ZBBX: variants seen among roughly 807,000 people sequenced by gnomAD.
The protein encoded by ZBBX is zinc finger B-box domain containing, also known as zinc finger B-box domain-containing protein 1.
In ZBBX, 101 loss-of-function variants were observed where a neutral mutation model predicts 108.5. The ratio of observed to expected loss-of-function variants is 0.93; its 90% CI spans 0.79 to 1.10. ZBBX has a LOEUF of 1.10. ZBBX is among the 50% of genes least tolerant of loss of function. The pLI is 0.00. For missense variants in ZBBX, 1,009 were observed against 941.4 expected (o/e 1.07, Z -0.94); for synonymous variants, 356 against 323.4 (o/e 1.10, Z -1.08).
At chr3:167,399,135 A>T (rs1480617613) in intron 1 of ZBBX, among the ~76,000 whole-genome samples, 1 of 151,992 alleles carries the variant, frequency 6.6e-6, no homozygotes, top group Non-Finnish European at 1.5e-5. Context: ...AGAAAAAAAA[A>T]ATTCTCACTT....
Position 167,323,246 on chromosome 3 carries a change from G to GC in ZBBX, c.863-1010_863-1009insG, listed in dbSNP as rs1439430910. Among the ~76,000 whole-genome samples the GC allele has an allele frequency of 1.3e-3, 199 of 149,230 alleles. 4 individuals are homozygous for GC. Among genetic ancestry groups the GC allele is most frequent in the Non-Finnish European group, 6.7e-4 (45 of 67,176 alleles). On this transcript the variant is annotated intron_variant, in intron 11 of 21. Coordinates refer to ENST00000675490, the MANE Select transcript of ZBBX (RefSeq NM_001199201.2). ...GACAGGAGAGCTAAAAGAGGGGGGG[G>GC]GGGGAAAGAACTCTTTTGTTTTTGC...
chr3:167,389,572 T>G (rs1387665636), intron 1 of ZBBX, among the ~76,000 whole-genome samples: 1 of 152,186 alleles, frequency 6.6e-6, no homozygotes, highest in Non-Finnish European at 1.5e-5. Flanking sequence ...CCACATTGGT[T>G]GAACTAATTT....
At chr3:167,272,579 T>A (rs1258984944) in intron 20 of ZBBX, among the ~76,000 whole-genome samples, 3 of 152,024 alleles carry the variant, frequency 2.0e-5, no homozygotes, top group Non-Finnish European at 4.4e-5. Context: ...CTAAGAAAAA[T>A]TTAACTCTCT....
At chr3:167,350,650 C>A in intron 8 of ZBBX, 135 bp from the exon 9 acceptor site, 1 of 524,114 alleles carries the variant, frequency 1.9e-6, no homozygotes, top group South Asian at 4.9e-5. Flanking sequence ...AATTGAGAAG[C>A]CTGTCCCAGG....
chr3:167,271,289 G>T (rs976075876), intron 20 of ZBBX, among the ~76,000 whole-genome samples: 1 of 152,168 alleles, frequency 6.6e-6, no homozygotes, highest in African/African-American at 2.4e-5. Flanking sequence ...GTTTCCTGAA[G>T]AAATAGCTAT....
chr3:167,263,844 G>A (rs576683657), intron 20 of ZBBX, among the ~76,000 whole-genome samples: 1 of 152,230 alleles, frequency 6.6e-6, no homozygotes, highest in South Asian at 2.1e-4. Flanking sequence ...ATTGTATTGA[G>A]GTCTATCTCT....
intron 20 of ZBBX, among the ~76,000 whole-genome samples, chr3:167,263,762 G>C (rs1443754938): frequency 2.6e-5 from 4 of 152,212 alleles, no homozygotes; most frequent in Non-Finnish European, 5.9e-5. Context: ...TAAGTCTAGT[G>C]TTTCTTCATT....
the ZBBX span, among the ~76,000 whole-genome samples, chr3:167,204,243 C>T: frequency 0.091 from 2,414 of 26,414 alleles, 25 homozygotes; most frequent in East Asian, 0.17. Context: ...CTTTTCTTTT[C>T]TTTTTTTTTT....
At chr3:167,275,729 C>A (rs1452874529) in intron 20 of ZBBX, among the ~76,000 whole-genome samples, 10 of 152,200 alleles carry the variant, frequency 6.6e-5, no homozygotes, top group South Asian at 2.1e-4. Context: ...CCCAGGCTTG[C>A]TTAGGTAAAC....
At chr3:167,351,303 A>G (rs1465951792) in intron 8 of ZBBX, among the ~76,000 whole-genome samples, 1 of 152,164 alleles carries the variant, frequency 6.6e-6, no homozygotes, top group African/African-American at 2.4e-5. Flanking sequence ...AGAAAAGGAA[A>G]TGGAAATTGG....
intron 1 of ZBBX, among the ~76,000 whole-genome samples, chr3:167,404,056 C>T (rs77210050): frequency 0.028 from 4,278 of 152,066 alleles, 166 homozygotes; most frequent in African/African-American, 0.091. Context: ...ATACTGTACA[C>T]CCTCTACAGA....
At chr3:167,396,505 A>G (rs772586571) in intron 1 of ZBBX, among the ~76,000 whole-genome samples, 3 of 152,074 alleles carry the variant, frequency 2.0e-5, no homozygotes, top group Non-Finnish European at 4.4e-5. Context: ...GGGAGAAATT[A>G]GCAGTAAAAA....
chr3:167,342,712 C>A (rs565562005), intron 9 of ZBBX, among the ~76,000 whole-genome samples: 1 of 151,098 alleles, frequency 6.6e-6, no homozygotes, highest in East Asian at 1.9e-4. Context: ...CTCATATAAG[C>A]AGAGTTATGT....
At chr3:167,307,206 CT>C (rs1285421247) in intron 16 of ZBBX, among the ~76,000 whole-genome samples, 1 of 152,134 alleles carries the variant, frequency 6.6e-6, no homozygotes, top group African/African-American at 2.4e-5. Flanking sequence ...CCCTTGAAAA[CT>C]GGCACAAGAC....
the ZBBX span, among the ~76,000 whole-genome samples, chr3:167,223,119 T>C: frequency 1.8e-4 from 28 of 151,882 alleles, no homozygotes; most frequent in Non-Finnish European, 3.5e-4. Flanking sequence ...CTGATTTCTA[T>C]CTTCCTGACC....
In ZBBX at chr3:167,273,048, C is replaced by G. The variant is rs528176038; in HGVS notation, c.2254+9190G>C. On this transcript the variant is annotated intron_variant, in intron 20 of 21. Transcript: ENST00000675490. ...TAGGAGCCAACTTGGCTGCACAGAC[C>G]TCATAGGGTCTTTTGAAATGCGTTT... Among the ~76,000 whole-genome samples, 4 of 152,292 alleles carry G rather than the reference C, an allele frequency of 2.6e-5. No individual in the cohort carries two copies. In the East Asian group the frequency reaches 7.7e-4, roughly 29 times the overall value.
chr3:167,362,296 A>G (rs1018463051), intron 6 of ZBBX, among the ~76,000 whole-genome samples: 3 of 152,128 alleles, frequency 2.0e-5, no homozygotes, highest in African/African-American at 7.2e-5. Flanking sequence ...CTCCTCCACC[A>G]GTAGGTATTG....
chr3:167,273,120 G>A (rs754757755), intron 20 of ZBBX, among the ~76,000 whole-genome samples: 111 of 152,192 alleles, frequency 7.3e-4, no homozygotes, highest in Non-Finnish European at 1.2e-3. Flanking sequence ...TTCTCCTTCT[G>A]AGCTTTCTTC....
rs988844120 is a variant in ZBBX, at chr3:167,360,784, C to T, written c.274-61G>A. ...ATATTATCTTATTCAACGAAAGTTG[C>T]CAACAAAAATATTAGAAAGCTGTAG... On this transcript the variant is annotated intron_variant, in intron 6 of 21. Coordinates refer to ENST00000675490, the MANE Select transcript of ZBBX (RefSeq NM_001199201.2). 5.6e-6 allele frequency: 6 copies of T among 1,067,024 alleles called. No homozygotes were observed. The African/African-American group carries it at 6.7e-5, about 12-fold the overall frequency. 66.1% of individuals were successfully genotyped at this position (1,067,024 alleles called of 1,614,324 possible).
Sources: gnomAD v4.1 joint callset for allele counts (sites outside exome capture counted in the v4.1 genomes callset) on GRCh38, gnomAD v4.1.1 for gene constraint, MANE v1.5 for transcripts, NCBI Gene and HGNC (gene_info 2026-07-23, HGNC 2026-07-21) for gene names.